The following ZBTB10 variants were observed in gnomAD, a reference collection of about 807,000 sequenced individuals.
ZBTB10 encodes zinc finger and BTB domain-containing protein 10.
Under a neutral mutation model 76.4 loss-of-function variants are expected in ZBTB10, and 32 were observed. The observed-to-expected ratio is 0.42, with a 90% CI of 0.32 to 0.56. ZBTB10 has a LOEUF of 0.56. Ranked by LOEUF, ZBTB10 falls within the 20% of genes least tolerant of loss-of-function variation. ZBTB10 has a pLI of 0.14. For missense variants in ZBTB10, 1,057 were observed against 1,098.5 expected (o/e 0.96, Z 0.53); for synonymous variants, 523 against 432.9 (o/e 1.21, Z -2.58).
At chr8:80,499,160 A>C (rs926730525) in intron 1 of ZBTB10, among the ~76,000 whole-genome samples, 2 of 152,226 alleles carry the variant, frequency 1.3e-5, no homozygotes, top group Non-Finnish European at 2.9e-5. Flanking sequence ...CCTATAAGAG[A>C]AAGTTTCTTT....
In ZBTB10 at chr8:80,487,541, A is replaced by G. The variant is rs760926552; in HGVS notation, c.731A>G (p.Gln244Arg). The part of the protein sequence containing the change: ...FPLARPKSLM[Q>R]KLQCSFQTSW... ...CTCGCGCGGCCCAAGTCTCTAATGC[A>G]GAAGCTCCAATGCTCCTTCCAGACC... is the stretch of plus-strand genomic sequence containing the variant. The change falls in exon 1 of 6, where the codon CAG becomes CGG. Residue 244 changes from glutamine to arginine, a missense_variant. Gln to Arg is a conservative substitution (Grantham distance 43). Around this residue, in one of 5 missense-constraint regions of ZBTB10, gnomAD observed 556 missense variants for 451.7 expected, o/e 1.23. Coordinates refer to ENST00000455036, the MANE Select transcript of ZBTB10 (RefSeq NM_001105539.3). 96 of 1,593,496 alleles carry G rather than the reference A, an allele frequency of 6.0e-5. No individual in the cohort carries two copies. Among genetic ancestry groups the G allele is most frequent in the Non-Finnish European group, 7.8e-5 (91 of 1,169,856 alleles).
At chr8:80,495,611 T>G (rs1400228457) in intron 1 of ZBTB10, among the ~76,000 whole-genome samples, 1 of 152,140 alleles carries the variant, frequency 6.6e-6, no homozygotes, top group African/African-American at 2.4e-5. Context: ...TAACAGTAAC[T>G]TCAAATTAGC....
chr8:80,491,127 G>C (rs1366699830), intron 1 of ZBTB10, among the ~76,000 whole-genome samples: 1 of 152,150 alleles, frequency 6.6e-6, no homozygotes, highest in African/African-American at 2.4e-5. Context: ...ACCACTCACT[G>C]ACTCACCCAG....
chr8:80,494,804 A>G (rs145551949), intron 1 of ZBTB10, among the ~76,000 whole-genome samples: 1 of 152,008 alleles, frequency 6.6e-6, no homozygotes, highest in Non-Finnish European at 1.5e-5. Context: ...CACATCTTAT[A>G]GTCCCAGCTA....
rs368885000 is a variant in ZBTB10 at position 80,519,401 on chromosome 8, G to C, written c.2489G>C (p.Arg830Pro). 3 of 1,597,512 alleles carry C rather than the reference G, an allele frequency of 1.9e-6. No individual in the cohort carries two copies. The highest frequency in any genetic ancestry group is 2.6e-6 in the Non-Finnish European group (3 of 1,172,698). The part of the protein sequence containing the change: ...VDQGQDTEFP[R>P]DEEYEENEVG... ...CAGGGACAGGATACAGAATTCCCTC[G>C]GGATGAAGAATACGAGGAGAATGAA... Residue 830 changes from arginine (R) to proline (P), a missense_variant, in exon 6 of 6, where the codon CGG becomes CCG. Physicochemically the swap from Arg to Pro is moderately radical, Grantham distance 103. Coordinates refer to ENST00000455036, the MANE Select transcript of ZBTB10 (RefSeq NM_001105539.3).
chr8:80,525,147 A>T lies in ZBTB10; in HGVS notation c.*5619A>T, dbSNP rs1331665053. The T allele has an allele frequency of 6.6e-6, 1 of 152,118 alleles. No individual in the cohort carries two copies. Among genetic ancestry groups the T allele is most frequent in the African/African-American group, 2.4e-5 (1 of 41,432 alleles). The allele number at this position is 152,118 out of a possible 1,614,324, so 9.4% of individuals were successfully genotyped here. ...CTGAACTTCTTTCTTTTTCACCACA[A>T]ATCACCGCAGACCAGTGTTTGGGAG... On this transcript the variant is annotated 3_prime_UTR_variant, in exon 6 of 6. Transcript: ENST00000455036.
Position 80,519,298 on chromosome 8 carries a change from A to C in ZBTB10, c.2386A>C (p.Arg796=). 6.2e-7 allele frequency: 1 copy of C among 1,613,878 alleles called. No homozygotes were observed. Among genetic ancestry groups the C allele is most frequent in the Non-Finnish European group, 8.5e-7 (1 of 1,179,810 alleles). The change falls in exon 6 of 6, where the codon AGA becomes CGA. Residue 796 remains arginine (R), a synonymous_variant. Transcript: ENST00000455036. ...IFMLAASVGI[R]HGSRRYGVCV... ...CATGTTAGCAGCCAGTGTTGGAATA[A>C]GACATGGATCTCGACGTTATGGTGT...
chr8:80,500,511 G>T, intron 2 of ZBTB10, 129 bp downstream of exon 2: 1 of 944,120 alleles, frequency 1.1e-6, no homozygotes, highest in South Asian at 2.3e-5. Flanking sequence ...AAAAGAAGGG[G>T]GAACGTCATT....
At chr8:80,490,993 C>T (rs1201914717) in intron 1 of ZBTB10, among the ~76,000 whole-genome samples, 1 of 152,158 alleles carries the variant, frequency 6.6e-6, no homozygotes, top group East Asian at 1.9e-4. Context: ...CACTTGAGGT[C>T]AGGAGTTCGA....
intron 2 of ZBTB10, 54 bp downstream of exon 2, chr8:80,500,436 T>A: frequency 7.1e-7 from 1 of 1,414,918 alleles, no homozygotes; most frequent in African/African-American, 1.4e-5. Context: ...TCTAGTTGGA[T>A]ATAATCTTGA....
At position 80,500,573 on chromosome 8, in the gene ZBTB10, A is replaced by G. The variant is rs73691907; in HGVS notation, c.1861+191A>G. On this transcript the variant is annotated intron_variant, in intron 2 of 5. Transcript: ENST00000455036. ...TTCTTTGTCTTTTTTCAACACATAT[A>G]TATGTGGGTTTATCAAAAGATGTAT... 0.01 allele frequency among the ~76,000 whole-genome samples: 1,526 copies of G among 152,282 alleles called. 22 individuals are homozygous for G. The highest frequency in any genetic ancestry group is 0.034 in the African/African-American group (1,422 of 41,558).
At chr8:80,493,138 T>C (rs1815673604) in intron 1 of ZBTB10, among the ~76,000 whole-genome samples, 1 of 150,084 alleles carries the variant, frequency 6.7e-6, no homozygotes, top group African/African-American at 2.5e-5. Flanking sequence ...CACTTGAACC[T>C]AGCAGGCACC....
Position 80,486,923 on chromosome 8 carries a change from G to GGCCTCCGCAGCCCCAGCCGAGACA in ZBTB10, c.117_140dup (p.Gln41_Pro48dup). 1 of 1,508,108 alleles carries GGCCTCCGCAGCCCCAGCCGAGACA rather than the reference G, an allele frequency of 6.6e-7. No homozygotes were observed. The highest frequency in any genetic ancestry group is 1.2e-5 in the South Asian group (1 of 80,694). The allele number at this position is 1,508,108 out of a possible 1,614,324, so 93.4% of individuals were successfully genotyped here. The stretch of plus-strand genomic sequence containing the variant: ...AACGCTGGCGGGGAGGCCTCAGCTT[G>GGCCTCCGCAGCCCCAGCCGAGACA]GCCTCCGCAGCCCCAGCCGAGACAG... On this transcript the variant is annotated inframe_insertion, in exon 1 of 6. Coordinates refer to ENST00000455036, the MANE Select transcript of ZBTB10 (RefSeq NM_001105539.3).
chr8:80,487,031 C>T lies in ZBTB10; in HGVS notation c.221C>T (p.Pro74Leu). 6.6e-7 allele frequency: 1 copy of T among 1,520,090 alleles called. No homozygotes were observed. Among genetic ancestry groups the T allele is most frequent in the Non-Finnish European group, 8.8e-7 (1 of 1,140,098 alleles). 94.2% of individuals were successfully genotyped at this position (1,520,090 alleles called of 1,614,324 possible). A position where few individuals can be genotyped will look rare whatever the true frequency, so the allele number is the denominator to read the frequency against. The change falls in exon 1 of 6, where the codon CCC (proline) becomes CTC (leucine). Residue 74 changes from proline to leucine, a missense_variant. This residue lies in a region of ZBTB10 where 556 missense variants were observed against 451.7 expected (regional missense o/e 1.23). Transcript: ENST00000455036. The stretch of plus-strand genomic sequence containing the variant: ...GAAGTGGAATTGGAGGGCCTGGAGC[C>T]CCAAGACCTGGAGGCCTCCGCCGGG... ...DEEVELEGLEPQDLEASAGPA... is the reference protein window; with the variant it reads ...DEEVELEGLELQDLEASAGPA...
rs751238470 is a variant in ZBTB10, at chr8:80,499,559, T to C, written c.1038T>C (p.Tyr346=). 52 of 1,613,962 alleles carry C rather than the reference T, an allele frequency of 3.2e-5. No individual in the cohort carries two copies. The highest frequency in any genetic ancestry group is 1.6e-4 in the Middle Eastern group (1 of 6,062). The part of the protein sequence containing the change: ...DFNSRPNENS[Y]CYQLLRQLNE... ...ATAGTAGGCCAAATGAGAACTCTTA[T>C]TGCTATCAACTTCTGCGACAACTAA... is the stretch of plus-strand genomic sequence containing the variant. The change falls in exon 2 of 6, where the codon TAT becomes TAC. Residue 346 remains tyrosine, a synonymous_variant. Transcript: ENST00000455036.
chr8:80,514,421 G>A (rs1402363492), intron 3 of ZBTB10, among the ~76,000 whole-genome samples: 1 of 152,142 alleles, frequency 6.6e-6, no homozygotes, highest in Non-Finnish European at 1.5e-5. Flanking sequence ...ATTGGAGGAA[G>A]CTTGATGAAT....
At chr8:80,503,498 A>ATTATTTATTTATTTAT (rs112133197) in intron 2 of ZBTB10, among the ~76,000 whole-genome samples, 1 of 151,216 alleles carries the variant, frequency 6.6e-6, no homozygotes, top group South Asian at 2.1e-4. Context: ...AGTGTAATTT[A>ATTATTTATTTATTTAT]TTATTTATTT....
At position 80,519,989 on chromosome 8, in the gene ZBTB10, A is replaced by T. The variant is rs1327694626; in HGVS notation, c.*461A>T. 1 of 151,964 alleles carries T rather than the reference A, an allele frequency of 6.6e-6. No homozygotes were observed. The highest frequency in any genetic ancestry group is 1.5e-5 in the Non-Finnish European group (1 of 67,842). 9.4% of individuals were successfully genotyped at this position (151,964 alleles called of 1,614,324 possible). Reference sequence around the variant, plus strand: ...TTCTATTTTTATTTTTATTAATTTTATTTTTTTTAATACAGATTTTCAGTG... The same window carrying T: ...TTCTATTTTTATTTTTATTAATTTTTTTTTTTTTAATACAGATTTTCAGTG... On this transcript the variant is annotated 3_prime_UTR_variant, in exon 6 of 6. Coordinates refer to ENST00000455036, the MANE Select transcript of ZBTB10 (RefSeq NM_001105539.3).
At chr8:80,514,416 A>C (rs1816277262) in intron 3 of ZBTB10, among the ~76,000 whole-genome samples, 1 of 152,218 alleles carries the variant, frequency 6.6e-6, no homozygotes, top group Admixed American at 6.5e-5. Flanking sequence ...AGTGCATTGG[A>C]GGAAGCTTGA....
Sources: gnomAD v4.1 joint callset for allele counts (sites outside exome capture counted in the v4.1 genomes callset) on GRCh38, gnomAD v4.1.1 for gene constraint, gnomAD v4.1.1 regional missense constraint, MANE v1.5 for transcripts, NCBI Gene and HGNC (gene_info 2026-07-23, HGNC 2026-07-21) for gene names.